AKAP19: variants seen among roughly 807,000 people sequenced by gnomAD.
AKAP19 encodes small A-kinase anchoring protein.
the AKAP19 span, among the ~76,000 whole-genome samples, chr2:190,137,087 A>G: frequency 6.6e-6 from 1 of 152,232 alleles, no homozygotes; most frequent in Non-Finnish European, 1.5e-5. Flanking sequence ...TACTAGAATC[A>G]AACTTTTAAA....
At chr2:189,909,490 A>G in the AKAP19 span, among the ~76,000 whole-genome samples, 2 of 151,436 alleles carry the variant, frequency 1.3e-5, no homozygotes, top group East Asian at 3.9e-4. Flanking sequence ...GTTTGCTTTG[A>G]TTTGTTTTTT....
At chr2:190,162,030 G>A in the AKAP19 span, among the ~76,000 whole-genome samples, 1 of 152,094 alleles carries the variant, frequency 6.6e-6, no homozygotes, top group Non-Finnish European at 1.5e-5. Flanking sequence ...TGTGACCTAG[G>A]ATGCTCCTTT....
At chr2:190,032,879 C>T in the AKAP19 span, among the ~76,000 whole-genome samples, 1 of 152,112 alleles carries the variant, frequency 6.6e-6, no homozygotes, top group Non-Finnish European at 1.5e-5. Flanking sequence ...CTTAAATATA[C>T]AAGAATTCAC....
the AKAP19 span, among the ~76,000 whole-genome samples, chr2:190,027,659 T>C: frequency 2.1e-4 from 32 of 152,180 alleles, 1 homozygote; most frequent in Non-Finnish European, 1.6e-4. Context: ...TAGGAGTACA[T>C]ACTTGTAGAT....
chr2:190,129,477 T>C, the AKAP19 span, among the ~76,000 whole-genome samples: 3 of 152,214 alleles, frequency 2.0e-5, no homozygotes, highest in African/African-American at 7.2e-5. Context: ...TGTTCTTTAA[T>C]AGAGCAGTCC....
the AKAP19 span, among the ~76,000 whole-genome samples, chr2:190,055,530 C>T: frequency 6.6e-5 from 10 of 152,264 alleles, no homozygotes; most frequent in South Asian, 4.2e-4. Context: ...TCCTTGCTTT[C>T]GTATGTGTAA....
the AKAP19 span, among the ~76,000 whole-genome samples, chr2:190,017,806 G>T: frequency 2.6e-5 from 4 of 152,242 alleles, no homozygotes; most frequent in Admixed American, 1.3e-4. Flanking sequence ...TCAGCTTAAA[G>T]AATTTTTTTT....
the AKAP19 span, among the ~76,000 whole-genome samples, chr2:190,102,832 A>G: frequency 6.6e-6 from 1 of 152,194 alleles, no homozygotes; most frequent in Non-Finnish European, 1.5e-5. Context: ...ACTCCTTCCT[A>G]ACTCATTGTA....
At chr2:190,199,923 G>C in the AKAP19 span, 1 of 1,614,112 alleles carries the variant, frequency 6.2e-7, no homozygotes, top group Non-Finnish European at 8.5e-7. Flanking sequence ...GTGAGAAGCA[G>C]CATGAGAGTG....
chr2:190,065,767 A>G, the AKAP19 span, among the ~76,000 whole-genome samples: 3 of 152,322 alleles, frequency 2.0e-5, no homozygotes, highest in African/African-American at 7.2e-5. Flanking sequence ...GAACATAACT[A>G]CTATGAATAG....
the AKAP19 span, among the ~76,000 whole-genome samples, chr2:189,954,258 C>T: frequency 7.9e-5 from 12 of 152,220 alleles, no homozygotes; most frequent in Non-Finnish European, 1.8e-4. Flanking sequence ...AATGCATCCA[C>T]ATCCTTACAC....
the AKAP19 span, chr2:190,200,146 T>G: frequency 6.2e-7 from 1 of 1,613,270 alleles, no homozygotes; most frequent in South Asian, 1.1e-5. Flanking sequence ...TGAGGGGCCT[T>G]GAGGCTGTAG....
the AKAP19 span, chr2:190,060,314 A>T: frequency 1.2e-6 from 2 of 1,613,006 alleles, no homozygotes; most frequent in Non-Finnish European, 1.7e-6. Context: ...CTGTTGTAGG[A>T]GTCTCGACGG....
the AKAP19 span, among the ~76,000 whole-genome samples, chr2:189,979,409 A>G: frequency 2.0e-5 from 3 of 152,200 alleles, no homozygotes; most frequent in Admixed American, 6.5e-5. Flanking sequence ...CCTACCTCTC[A>G]TCATATACAA....
the AKAP19 span, among the ~76,000 whole-genome samples, chr2:189,935,918 G>T: frequency 6.6e-6 from 1 of 152,092 alleles, no homozygotes; most frequent in Non-Finnish European, 1.5e-5. Context: ...TCACATGCAT[G>T]AAGATGATTA....
At chr2:190,148,944 C>T in the AKAP19 span, among the ~76,000 whole-genome samples, 2 of 105,982 alleles carry the variant, frequency 1.9e-5, no homozygotes, top group African/African-American at 7.1e-5. Flanking sequence ...TTTATCTTTT[C>T]TTTTCTTTCT....
the AKAP19 span, among the ~76,000 whole-genome samples, chr2:189,982,375 A>G: frequency 6.6e-6 from 1 of 151,686 alleles, no homozygotes; most frequent in African/African-American, 2.4e-5. Flanking sequence ...TCTTAATATT[A>G]TTCTCTTGTC....
At chr2:189,902,763 CT>C in the AKAP19 span, among the ~76,000 whole-genome samples, 4 of 151,154 alleles carry the variant, frequency 2.6e-5, no homozygotes, top group Non-Finnish European at 4.4e-5. Context: ...AATAGGTGCT[CT>C]TTTTTTTCAT....
the AKAP19 span, among the ~76,000 whole-genome samples, chr2:190,148,261 G>A: frequency 2.0e-5 from 3 of 152,182 alleles, no homozygotes; most frequent in Non-Finnish European, 4.4e-5. Flanking sequence ...CTATTGAGAT[G>A]ATCATATGAT....
Sources: allele counts gnomAD v4.1 joint callset (sites outside exome capture counted in the v4.1 genomes callset), GRCh38; gene constraint gnomAD v4.1.1; transcripts MANE v1.5; gene names NCBI Gene and HGNC (gene_info 2026-07-23, HGNC 2026-07-21).